The following HERPUD2 variants were observed in gnomAD, a reference collection of about 807,000 sequenced individuals.
HERPUD2 encodes HERPUD family member 2.
HERPUD2 carries 13 observed loss-of-function variants against 49.9 expected under a neutral mutation model. The ratio of observed to expected loss-of-function variants is 0.26; its 90% confidence interval spans 0.17 to 0.41. The LOEUF (loss-of-function observed/expected upper bound fraction) is 0.41, where lower values mean the gene tolerates loss of function less well. Ranked by LOEUF, HERPUD2 falls within the 10% of genes least tolerant of loss-of-function variation. The probability of loss-of-function intolerance (pLI) is 1.00; values close to 1 mark genes in which losing one functional copy is unlikely to be tolerated. For missense variants in HERPUD2, 449 were observed against 492.2 expected (o/e 0.91, Z 0.83); for synonymous variants, 172 against 171.4 (o/e 1.00, Z -0.03).
intron 5 of HERPUD2, among the ~76,000 whole-genome samples, chr7:35,645,169 G>C (rs1270202793): frequency 6.6e-6 from 1 of 152,114 alleles, no homozygotes; most frequent in African/African-American, 2.4e-5. Flanking sequence ...TGTTTAAAAA[G>C]TACAATAAAG....
intron 5 of HERPUD2, among the ~76,000 whole-genome samples, chr7:35,666,201 T>C (rs917002194): frequency 6.6e-6 from 1 of 152,250 alleles, no homozygotes; most frequent in African/African-American, 2.4e-5. Context: ...TTTATATTAA[T>C]AGTAATCACT....
At chr7:35,678,304 C>CT (rs1386900809) in intron 2 of HERPUD2, among the ~76,000 whole-genome samples, 16 of 149,964 alleles carry the variant, frequency 1.1e-4, no homozygotes, top group Middle Eastern at 3.2e-3. Context: ...TTTGTTGTTG[C>CT]TTTTTTTTTG....
intron 5 of HERPUD2, among the ~76,000 whole-genome samples, chr7:35,663,627 T>C (rs1054858735): frequency 2.0e-5 from 3 of 152,236 alleles, no homozygotes. Context: ...TAGCTCCTCT[T>C]GTTGAATTGA....
chr7:35,657,688 T>A (rs1785307960), intron 5 of HERPUD2, among the ~76,000 whole-genome samples: 1 of 143,404 alleles, frequency 7.0e-6, no homozygotes, highest in African/African-American at 2.6e-5. Context: ...GGAGGGCGGA[T>A]CACAAGGTCA....
chr7:35,655,824 C>T (rs1785264319), intron 5 of HERPUD2, among the ~76,000 whole-genome samples: 1 of 152,120 alleles, frequency 6.6e-6, no homozygotes, highest in African/African-American at 2.4e-5. Context: ...AGTCAAAATA[C>T]AAAAATCAGT....
chr7:35,658,837 G>A (rs1785346917), intron 5 of HERPUD2, among the ~76,000 whole-genome samples: 1 of 152,218 alleles, frequency 6.6e-6, no homozygotes, highest in African/African-American at 2.4e-5. Flanking sequence ...TGTAGGTAAT[G>A]TATTGCTTTG....
At chr7:35,660,906 G>A (rs1785404205) in intron 5 of HERPUD2, among the ~76,000 whole-genome samples, 1 of 152,096 alleles carries the variant, frequency 6.6e-6, no homozygotes, top group Admixed American at 6.5e-5. Context: ...GTCAATTTTG[G>A]CTTTTGATGC....
At chr7:35,692,830 A>C (rs952644920) in intron 2 of HERPUD2, among the ~76,000 whole-genome samples, 3 of 152,252 alleles carry the variant, frequency 2.0e-5, no homozygotes, top group African/African-American at 7.2e-5. Flanking sequence ...TAATTCATTA[A>C]TATCGTAATA....
At chr7:35,650,218 G>C (rs988062794) in intron 5 of HERPUD2, among the ~76,000 whole-genome samples, 5 of 152,128 alleles carry the variant, frequency 3.3e-5, no homozygotes, top group African/African-American at 1.2e-4. Context: ...ATTCAATAGA[G>C]AAGTGACAGG....
intron 2 of HERPUD2, among the ~76,000 whole-genome samples, chr7:35,690,897 T>A (rs1410400571): frequency 1.3e-5 from 2 of 152,142 alleles, no homozygotes; most frequent in Admixed American, 1.3e-4. Flanking sequence ...TTAAGAAAAC[T>A]TAAATGTCCC....
At chr7:35,680,450 A>T (rs1487633267) in intron 2 of HERPUD2, among the ~76,000 whole-genome samples, 1 of 151,918 alleles carries the variant, frequency 6.6e-6, no homozygotes, top group Non-Finnish European at 1.5e-5. Context: ...AACAAAACAA[A>T]CTTAGATCAA....
intron 2 of HERPUD2, among the ~76,000 whole-genome samples, chr7:35,679,275 T>C (rs1785829327): frequency 6.6e-6 from 1 of 152,198 alleles, no homozygotes; most frequent in African/African-American, 2.4e-5. Flanking sequence ...CGCATACAAA[T>C]AATTATTAAA....
intron 6 of HERPUD2, among the ~76,000 whole-genome samples, chr7:35,637,789 G>A (rs920650366): frequency 2.5e-4 from 38 of 152,184 alleles, no homozygotes; most frequent in African/African-American, 8.4e-4. Flanking sequence ...AGAGTGACCA[G>A]AAAGATAAAA....
At chr7:35,670,723 A>C (rs571779565) in intron 3 of HERPUD2, among the ~76,000 whole-genome samples, 1 of 152,268 alleles carries the variant, frequency 6.6e-6, no homozygotes, top group East Asian at 1.9e-4. Flanking sequence ...AATAAACTCA[A>C]ATAACTTCAT....
chr7:35,677,575 T>C (rs891407205), intron 2 of HERPUD2, among the ~76,000 whole-genome samples: 2 of 152,178 alleles, frequency 1.3e-5, no homozygotes, highest in African/African-American at 4.8e-5. Context: ...ATAGCAAATA[T>C]ATACAACTTA....
chr7:35,672,129 T>G (rs1785656405), intron 3 of HERPUD2, among the ~76,000 whole-genome samples: 1 of 152,030 alleles, frequency 6.6e-6, no homozygotes, highest in South Asian at 2.1e-4. Flanking sequence ...GCTCACTGAT[T>G]GTAACAAATG....
chr7:35,638,040 C>T (rs1277738854), intron 6 of HERPUD2, among the ~76,000 whole-genome samples: 1 of 152,206 alleles, frequency 6.6e-6, no homozygotes, highest in Non-Finnish European at 1.5e-5. Flanking sequence ...GATTCTATTC[C>T]TTTACTCATT....
Position 35,665,153 on chromosome 7 carries a change from A to G in HERPUD2, c.494+2281T>C, listed in dbSNP as rs1430645964. Among the ~76,000 whole-genome samples the G allele has an allele frequency of 2.6e-5, 4 of 152,248 alleles. No individual in the cohort carries two copies. In the East Asian group the frequency reaches 5.8e-4, roughly 22 times the overall value. On this transcript the variant is annotated intron_variant, in intron 5 of 8. Transcript: ENST00000311350. Reference sequence around the variant, plus strand: ...ACTACTCTCTTCAAAGCTGTCACACAGGGACATTTAAGTCTGCAGAAGTTT... The same window carrying G: ...ACTACTCTCTTCAAAGCTGTCACACGGGGACATTTAAGTCTGCAGAAGTTT...
At chr7:35,637,046 T>A (rs1408634290) in intron 6 of HERPUD2, among the ~76,000 whole-genome samples, 1 of 151,924 alleles carries the variant, frequency 6.6e-6, no homozygotes, top group African/African-American at 2.4e-5. Flanking sequence ...GGCACAAGAA[T>A]CGCTTGAACC....
Sources: allele counts gnomAD v4.1 joint callset (sites outside exome capture counted in the v4.1 genomes callset), GRCh38; gene constraint gnomAD v4.1.1; transcripts MANE v1.5; gene names NCBI Gene and HGNC (gene_info 2026-07-23, HGNC 2026-07-21).